Variants in PODXL2 observed in about 807,000 individuals in gnomAD.
PODXL2 encodes podocalyxin like 2, also known as podocalyxin-like protein 2.
A neutral mutation model predicts 53.4 loss-of-function variants in PODXL2; 17 were observed. The ratio of observed to expected loss-of-function variants is 0.32; its 90% confidence interval spans 0.22 to 0.48. The LOEUF is 0.48. Ranked by LOEUF, PODXL2 falls within the 20% of genes least tolerant of loss-of-function variation. The probability of loss-of-function intolerance (pLI) is 0.99; values close to 1 mark genes in which losing one functional copy is unlikely to be tolerated. For missense variants in PODXL2, 673 were observed against 760.0 expected (o/e 0.89, Z 1.35); for synonymous variants, 311 against 306.7 (o/e 1.01, Z -0.15).
Position 127,668,434 on chromosome 3 carries a change from C to T in PODXL2, c.1207-7C>T, listed in dbSNP as rs746672346. 1.3e-6 allele frequency: 2 copies of T among 1,519,424 alleles called. No homozygotes were observed. The highest frequency in any genetic ancestry group is 1.3e-5 in the South Asian group (1 of 76,070). The allele number at this position is 1,519,424 out of a possible 1,614,324, so 94.1% of individuals were successfully genotyped here. ...CTGAACACGGGGGGCTCTTTCTGCCCTTGTAGGAGGTGTTCCGGCAGCACC... is the reference window on the plus strand; with the variant it reads ...CTGAACACGGGGGGCTCTTTCTGCCTTTGTAGGAGGTGTTCCGGCAGCACC... On this transcript the variant is annotated splice_polypyrimidine_tract_variant and splice_region_variant and intron_variant, in intron 4 of 7. Coordinates refer to ENST00000342480, the MANE Select transcript of PODXL2 (RefSeq NM_015720.4).
chr3:127,656,034 AAC>A (rs1483876050), intron 2 of PODXL2, among the ~76,000 whole-genome samples: 4 of 152,204 alleles, frequency 2.6e-5, no homozygotes, highest in Admixed American at 1.3e-4. Context: ...AGAATTCAAA[AAC>A]ACACGTTGCT....
At chr3:127,654,483 G>A (rs112503135) in intron 2 of PODXL2, among the ~76,000 whole-genome samples, 1 of 152,184 alleles carries the variant, frequency 6.6e-6, no homozygotes, top group African/African-American at 2.4e-5. Flanking sequence ...CCACACAGAC[G>A]CCCCTCACCC....
chr3:127,660,507 C>A lies in PODXL2; in HGVS notation c.479C>A (p.Pro160His). The change falls in exon 3 of 8, where the codon CCC becomes CAC. Residue 160 changes from proline (P) to histidine (H), a missense_variant. Pro to His is a moderately conservative substitution (Grantham distance 77). Around this residue, in one of 3 missense-constraint regions of PODXL2, gnomAD observed 588 missense variants for 668.3 expected, o/e 0.88. Transcript: ENST00000342480. Reference protein sequence around the residue: ...NLVEPPWHMPPREEEEEEEEE... With the variant: ...NLVEPPWHMPHREEEEEEEEE... The stretch of plus-strand genomic sequence containing the variant: ...GTTGAGCCTCCCTGGCATATGCCTC[C>A]CAGAGAGGAGGAAGAAGAGGAAGAG... 6.2e-7 allele frequency: 1 copy of A among 1,613,850 alleles called. No homozygotes were observed. The highest frequency in any genetic ancestry group is 8.5e-7 in the Non-Finnish European group (1 of 1,179,954).
intron 1 of PODXL2, among the ~76,000 whole-genome samples, chr3:127,632,337 T>C (rs2074552568): frequency 6.6e-6 from 1 of 152,104 alleles, no homozygotes; most frequent in Admixed American, 6.6e-5. Flanking sequence ...AGTGCCAAGG[T>C]TTGAGAGACA....
At chr3:127,648,150 A>G (rs1391255894) in intron 2 of PODXL2, among the ~76,000 whole-genome samples, 1 of 152,240 alleles carries the variant, frequency 6.6e-6, no homozygotes, top group East Asian at 1.9e-4. Flanking sequence ...TAAATGACAT[A>G]GTGGCAGAGC....
At chr3:127,647,486 T>C (rs2074663432) in intron 2 of PODXL2, among the ~76,000 whole-genome samples, 1 of 152,216 alleles carries the variant, frequency 6.6e-6, no homozygotes, top group Admixed American at 6.5e-5. Flanking sequence ...AGAAACACTT[T>C]AATCTTTGGG....
intron 2 of PODXL2, among the ~76,000 whole-genome samples, chr3:127,654,206 G>T (rs1424124033): frequency 6.6e-6 from 1 of 152,142 alleles, no homozygotes. Context: ...CCTTGACATT[G>T]TTGGAGTGCA....
At chr3:127,660,330 G>A (rs1044972398) in intron 2 of PODXL2, 48 bp from the exon 3 acceptor site, 4 of 1,586,904 alleles carry the variant, frequency 2.5e-6, no homozygotes, top group Non-Finnish European at 3.4e-6. Context: ...ACTGAGTAAA[G>A]CAATGAATGA....
At chr3:127,663,274 A>T (rs2074778368) in intron 4 of PODXL2, among the ~76,000 whole-genome samples, 1 of 152,132 alleles carries the variant, frequency 6.6e-6, no homozygotes, top group South Asian at 2.1e-4. Context: ...GCATCTGGGG[A>T]GTGTCAATCA....
rs2074536352 is a variant in PODXL2 at position 127,630,419 on chromosome 3, T to TGCATG, written c.70+1131_70+1135dup. Among the ~76,000 whole-genome samples the TGCATG allele has an allele frequency of 7.9e-5, 12 of 152,286 alleles. No homozygotes were observed. The South Asian group carries it at 2.5e-3, about 32-fold the overall frequency. ...AGCGTCCTAGTATGATGTGTGTATGTGCATGTAGGAGTGTGTATGTGCATG... is the reference window on the plus strand; with the variant it reads ...AGCGTCCTAGTATGATGTGTGTATGTGCATGGCATGTAGGAGTGTGTATGTGCATG... On this transcript the variant is annotated intron_variant, in intron 1 of 7. Coordinates refer to ENST00000342480, the MANE Select transcript of PODXL2 (RefSeq NM_015720.4).
At chr3:127,671,724 G>A (rs2074842621) in intron 7 of PODXL2, 111 bp downstream of exon 7, 3 of 1,054,108 alleles carry the variant, frequency 2.8e-6, no homozygotes, top group Admixed American at 1.9e-5. Flanking sequence ...ACAGGGTCCC[G>A]TGGGTGAAGC....
At chr3:127,636,035 A>G (rs2074576522) in intron 1 of PODXL2, among the ~76,000 whole-genome samples, 1 of 152,240 alleles carries the variant, frequency 6.6e-6, no homozygotes, top group Non-Finnish European at 1.5e-5. Context: ...CGTGCAAGGT[A>G]TCTTGATGCC....
At chr3:127,641,627 C>T (rs1455235551) in intron 2 of PODXL2, among the ~76,000 whole-genome samples, 1 of 152,088 alleles carries the variant, frequency 6.6e-6, no homozygotes, top group African/African-American at 2.4e-5. Context: ...GGTTGTCCTG[C>T]CTCAGCCTCC....
At chr3:127,652,866 CAG>C (rs2107709572) in intron 2 of PODXL2, among the ~76,000 whole-genome samples, 1 of 152,256 alleles carries the variant, frequency 6.6e-6, no homozygotes, top group African/African-American at 2.4e-5. Flanking sequence ...CCTCTGGAAT[CAG>C]AGCTGTCCAC....
intron 4 of PODXL2, chr3:127,665,890 G>T (rs919953309): frequency 1.6e-5 from 7 of 451,280 alleles, no homozygotes; most frequent in Non-Finnish European, 3.1e-5. Flanking sequence ...AGCCATTTCT[G>T]CAAGGAGTCC....
chr3:127,668,651 C>T, intron 5 of PODXL2, 54 bp downstream of exon 5: 3 of 1,426,034 alleles, frequency 2.1e-6, no homozygotes, highest in Non-Finnish European at 2.8e-6. Flanking sequence ...AGGCGGGCGG[C>T]CCCTGAGGGT....
chr3:127,629,272 TGC>T lies in PODXL2; in HGVS notation c.54_55del (p.Leu19SerfsTer16). 9.8e-7 allele frequency: 1 copy of T among 1,017,052 alleles called. No individual in the cohort carries two copies. The highest frequency in any genetic ancestry group is 1.2e-6 in the Non-Finnish European group (1 of 850,714). 63.0% of individuals were successfully genotyped at this position (1,017,052 alleles called of 1,614,324 possible). A position where few individuals can be genotyped will look rare whatever the true frequency, so the allele number is the denominator to read the frequency against. ...CTGCCGCCGCTGCTTTCGCCGCTGC[TGC>T]TTCTGCTGGTTGGGGGTGAGTGCGC... On this transcript the variant is annotated frameshift_variant, in exon 1 of 8. Transcript: ENST00000342480. LOFTEE classifies it high-confidence loss of function. This position sits in a 1 kb window ranked among gnomAD's most constrained non-coding sequence, Gnocchi z 6.4.
At chr3:127,632,502 C>T (rs1334605950) in intron 1 of PODXL2, among the ~76,000 whole-genome samples, 1 of 152,234 alleles carries the variant, frequency 6.6e-6, no homozygotes, top group African/African-American at 2.4e-5. Context: ...CAGTTCATGG[C>T]CCTCTCAAAG....
At chr3:127,634,075 C>G (rs776917534) in intron 1 of PODXL2, among the ~76,000 whole-genome samples, 1 of 151,926 alleles carries the variant, frequency 6.6e-6, no homozygotes, top group Non-Finnish European at 1.5e-5. Context: ...AGAGCCTTCT[C>G]GCCTTTTCAA....
Sources: gnomAD v4.1 joint callset for allele counts (sites outside exome capture counted in the v4.1 genomes callset) on GRCh38, gnomAD v4.1.1 for gene constraint, gnomAD v4.1.1 regional missense constraint, Gnocchi (gnomAD v3.1) non-coding constraint, MANE v1.5 for transcripts, NCBI Gene and HGNC (gene_info 2026-07-23, HGNC 2026-07-21) for gene names.